MTSS1: variants seen among roughly 807,000 people sequenced by gnomAD.
MTSS1 encodes MTSS I-BAR domain containing 1.
A neutral mutation model predicts 79.0 loss-of-function variants in MTSS1; 18 were observed. The observed-to-expected ratio is 0.23, with a 90% CI of 0.16 to 0.34. MTSS1 has a LOEUF of 0.34. MTSS1 is among the 10% of genes least tolerant of loss of function. The pLI, the probability that MTSS1 is intolerant of heterozygous loss-of-function variation, is 1.00. For synonymous variants in MTSS1, 341 were observed against 368.6 expected (o/e 0.93, Z 0.86); for missense variants, 815 against 986.2 (o/e 0.83, Z 2.33).
chr8:124,695,008 C>A (rs923788893), intron 3 of MTSS1, among the ~76,000 whole-genome samples: 8 of 132,636 alleles, frequency 6.0e-5, no homozygotes, highest in South Asian at 2.4e-4. Flanking sequence ...CACTTATACA[C>A]TTTCATTTAA....
At chr8:124,563,987 C>T (rs139867272) in intron 9 of MTSS1, among the ~76,000 whole-genome samples, 2,654 of 152,174 alleles carry the variant, frequency 0.017, 77 homozygotes, top group African/African-American at 0.06. Context: ...AAAACTTAGC[C>T]AGGCATGGTG....
chr8:124,603,066 C>T (rs1834200924), intron 3 of MTSS1, among the ~76,000 whole-genome samples: 1 of 152,066 alleles, frequency 6.6e-6, no homozygotes, highest in Admixed American at 6.6e-5. Context: ...TGCTCTGTTG[C>T]CCAGGCTGGA....
chr8:124,607,942 G>A (rs1835151954), intron 3 of MTSS1, among the ~76,000 whole-genome samples: 1 of 152,110 alleles, frequency 6.6e-6, no homozygotes, highest in African/African-American at 2.4e-5. Context: ...AAAGCTTGAG[G>A]TAGGTCAGTA....
intron 3 of MTSS1, among the ~76,000 whole-genome samples, chr8:124,634,807 G>C (rs1816693678): frequency 6.6e-6 from 1 of 152,196 alleles, no homozygotes; most frequent in African/African-American, 2.4e-5. Context: ...TGACGGAAAT[G>C]CAGTGTCCTG....
intron 3 of MTSS1, among the ~76,000 whole-genome samples, chr8:124,664,014 G>C (rs1299995792): frequency 6.6e-6 from 1 of 152,238 alleles, no homozygotes; most frequent in Non-Finnish European, 1.5e-5. Context: ...ATAAAGCAAA[G>C]CACAGCACAG....
rs549870681 is a variant in MTSS1, at chr8:124,617,850, C to G, written c.209-26615G>C. Among the ~76,000 whole-genome samples the G allele has an allele frequency of 7.9e-5, 12 of 152,306 alleles. No homozygotes were observed. The South Asian group carries it at 1.0e-3, about 13-fold the overall frequency. ...TTTATTTCTAAAATCCCTGACAACT[C>G]TATGTGGCAGGCATGAATATTCCCA... is the stretch of plus-strand genomic sequence containing the variant. On this transcript the variant is annotated intron_variant, in intron 3 of 13. Coordinates refer to ENST00000518547, the MANE Select transcript of MTSS1 (RefSeq NM_014751.6).
intron 2 of MTSS1, among the ~76,000 whole-genome samples, chr8:124,700,107 C>A: frequency 6.6e-6 from 1 of 151,498 alleles, no homozygotes; most frequent in Non-Finnish European, 1.5e-5. Flanking sequence ...CCACTGCACT[C>A]CAGCCTAGGT....
At chr8:124,685,978 C>T (rs527867388) in intron 3 of MTSS1, among the ~76,000 whole-genome samples, 1 of 152,252 alleles carries the variant, frequency 6.6e-6, no homozygotes, top group African/African-American at 2.4e-5. Flanking sequence ...GCCAGGGACC[C>T]CCAAAGTCCC....
chr8:124,600,318 C>T (rs1486837264), intron 3 of MTSS1, among the ~76,000 whole-genome samples: 1 of 152,030 alleles, frequency 6.6e-6, no homozygotes, highest in South Asian at 2.1e-4. Flanking sequence ...AATGACAAAT[C>T]TTGGTTTTCA....
At chr8:124,631,799 A>T (rs1230327417) in intron 3 of MTSS1, among the ~76,000 whole-genome samples, 1 of 152,200 alleles carries the variant, frequency 6.6e-6, no homozygotes, top group Non-Finnish European at 1.5e-5. Context: ...CACTGCTTAC[A>T]GAATCACACC....
intron 11 of MTSS1, 98 bp from the exon 12 acceptor site, chr8:124,556,503 C>T (rs1056234324): frequency 1.4e-4 from 191 of 1,335,826 alleles, no homozygotes; most frequent in Non-Finnish European, 1.8e-4. Context: ...CAGCTGGTCC[C>T]CTTAAGGGGA....
chr8:124,633,951 T>C (rs1816511047), intron 3 of MTSS1, among the ~76,000 whole-genome samples: 1 of 152,144 alleles, frequency 6.6e-6, no homozygotes, highest in Non-Finnish European at 1.5e-5. Flanking sequence ...ATTCATATAA[T>C]TACTTCTCTC....
intron 3 of MTSS1, among the ~76,000 whole-genome samples, chr8:124,636,512 A>C (rs1446189885): frequency 6.6e-6 from 1 of 152,198 alleles, no homozygotes; most frequent in Non-Finnish European, 1.5e-5. Context: ...TCATTAACTG[A>C]GGGAGCTTAC....
rs1414337674 is a variant in MTSS1, at chr8:124,556,532, C to T, written c.1231-127G>A. ...AAGGGGAACCTCCGGCTGGGACAAGCCACAGGCCCTCTGCATGCCCTCTCC... is the reference window on the plus strand; with the variant it reads ...AAGGGGAACCTCCGGCTGGGACAAGTCACAGGCCCTCTGCATGCCCTCTCC... On this transcript the variant is annotated intron_variant, in intron 11 of 13. Coordinates refer to ENST00000518547, the MANE Select transcript of MTSS1 (RefSeq NM_014751.6). The T allele has an allele frequency of 4.7e-6, 5 of 1,069,492 alleles. No individual in the cohort carries two copies. In the East Asian group the frequency reaches 1.0e-4, roughly 22 times the overall value. 66.3% of individuals were successfully genotyped at this position (1,069,492 alleles called of 1,614,324 possible).
At position 124,553,654 on chromosome 8, in the gene MTSS1, C is replaced by G; in HGVS notation, c.1606G>C (p.Glu536Gln). The G allele has an allele frequency of 6.2e-7, 1 of 1,613,826 alleles. No homozygotes were observed. Among genetic ancestry groups the G allele is most frequent in the Non-Finnish European group, 8.5e-7 (1 of 1,179,798 alleles). The change falls in exon 14 of 14, where the codon GAG becomes CAG. Residue 536 changes from glutamate to glutamine, a missense_variant. Physicochemically the swap from Glu to Gln is conservative, Grantham distance 29. This residue lies in a region of MTSS1 where 590 missense variants were observed against 620.8 expected (regional missense o/e 0.95). Transcript: ENST00000518547. The surrounding 1 kb of genome is among the most constrained non-coding windows in gnomAD (Gnocchi z 6.0). Reference sequence around the variant, plus strand: ...TTGTCGAACTCCTGCTGATCTGCCTCCTGGTCACCACTTACAGAGAAATAA... The same window carrying G: ...TTGTCGAACTCCTGCTGATCTGCCTGCTGGTCACCACTTACAGAGAAATAA... ...YDYFSVSGDQ[E>Q]ADQQEFDKSS...
intron 3 of MTSS1, among the ~76,000 whole-genome samples, chr8:124,607,774 A>T (rs1210272378): frequency 6.6e-6 from 1 of 152,360 alleles, no homozygotes; most frequent in East Asian, 1.9e-4. Flanking sequence ...TTTACTGCTC[A>T]GGCTAACTTA....
intron 3 of MTSS1, among the ~76,000 whole-genome samples, chr8:124,621,829 G>GT (rs1202377676): frequency 2.6e-5 from 4 of 152,122 alleles, no homozygotes; most frequent in Non-Finnish European, 4.4e-5. Flanking sequence ...GATTACAGGC[G>GT]TGATCCACCA....
At chr8:124,679,032 A>C (rs920513913) in intron 3 of MTSS1, among the ~76,000 whole-genome samples, 1 of 152,192 alleles carries the variant, frequency 6.6e-6, no homozygotes, top group Admixed American at 6.5e-5. Context: ...CGAAGGCTTA[A>C]ACTCTCATGG....
intron 3 of MTSS1, among the ~76,000 whole-genome samples, chr8:124,615,393 A>G (rs1836653669): frequency 1.3e-5 from 2 of 152,250 alleles, no homozygotes; most frequent in African/African-American, 4.8e-5. Context: ...GGCCTAAAAA[A>G]GGAAGGAAAT....
Sources: gnomAD v4.1 joint callset for allele counts (sites outside exome capture counted in the v4.1 genomes callset) on GRCh38, gnomAD v4.1.1 for gene constraint, gnomAD v4.1.1 regional missense constraint, Gnocchi (gnomAD v3.1) non-coding constraint, MANE v1.5 for transcripts, NCBI Gene and HGNC (gene_info 2026-07-23, HGNC 2026-07-21) for gene names.